Variants in RPS6KA6 observed in about 807,000 individuals in gnomAD.
RPS6KA6 encodes the protein ribosomal protein S6 kinase alpha-6.
In RPS6KA6, 27 loss-of-function variants were observed where a neutral mutation model predicts 65.4. The ratio of observed to expected loss-of-function variants is 0.41; its 90% CI spans 0.30 to 0.57. The LOEUF is 0.57. Ranked by LOEUF, RPS6KA6 falls within the 20% of genes least tolerant of loss-of-function variation. The pLI, the probability that RPS6KA6 is intolerant of heterozygous loss-of-function variation, is 0.24. For synonymous variants in RPS6KA6, 190 were observed against 184.2 expected (o/e 1.03, Z -0.26); for missense variants, 486 against 555.6 (o/e 0.87, Z 1.26).
In RPS6KA6 at chrX:84,107,733, G is replaced by A. The variant is rs2034388341; in HGVS notation, c.1009-8C>T. On this transcript the variant is annotated splice_polypyrimidine_tract_variant and splice_region_variant and intron_variant, in intron 12 of 21. Coordinates refer to ENST00000262752, the MANE Select transcript of RPS6KA6 (RefSeq NM_014496.5). The stretch of plus-strand genomic sequence containing the variant: ...TTCTCTTTTATATAATTTCTAGAAG[G>A]GACAACCAGATAACACAAAACGTAT... 3 of 997,448 alleles carry A rather than the reference G, an allele frequency of 3.0e-6. No homozygotes were observed. Among genetic ancestry groups the A allele is most frequent in the Middle Eastern group, 2.6e-4 (1 of 3,852 alleles). The allele number at this position is 997,448 out of a possible 1,213,427, so 82.2% of individuals were successfully genotyped here. A position where few individuals can be genotyped will look rare whatever the true frequency, so the allele number is the denominator to read the frequency against.
intron 13 of RPS6KA6, 28 bp from the exon 14 acceptor site, chrX:84,107,068 A>T: frequency 8.7e-7 from 1 of 1,152,269 alleles, no homozygotes; most frequent in Non-Finnish European, 1.2e-6. Flanking sequence ...ACATTTAATT[A>T]TAACTACACA....
chrX:84,117,749 C>T (rs974071167), intron 9 of RPS6KA6, among the ~76,000 whole-genome samples: 3 of 111,637 alleles, frequency 2.7e-5, no homozygotes, highest in African/African-American at 6.5e-5. Context: ...TTTGAAAATA[C>T]ACACAATGCA....
chrX:84,125,204 C>A (rs1455211292), intron 8 of RPS6KA6, among the ~76,000 whole-genome samples: 1 of 111,516 alleles, frequency 9.0e-6, no homozygotes, highest in Non-Finnish European at 1.9e-5. Flanking sequence ...AAGAAATCAT[C>A]TGAAAGTACA....
chrX:84,181,546 C>T (rs928734217), intron 1 of RPS6KA6, among the ~76,000 whole-genome samples: 3 of 111,775 alleles, frequency 2.7e-5, no homozygotes, highest in African/African-American at 6.5e-5. Context: ...AATTAATATT[C>T]TTTTTTTCCT....
intron 8 of RPS6KA6, among the ~76,000 whole-genome samples, chrX:84,129,962 T>A (rs979272332): frequency 9.0e-6 from 1 of 110,777 alleles, no homozygotes; most frequent in Non-Finnish European, 1.9e-5. Flanking sequence ...CAAAAATAAT[T>A]TAATTATACA....
chrX:84,126,469 A>G (rs761097827), intron 8 of RPS6KA6, among the ~76,000 whole-genome samples: 1 of 111,588 alleles, frequency 9.0e-6, no homozygotes, highest in East Asian at 2.8e-4. Flanking sequence ...GAAATATCGA[A>G]CTTAATCTGC....
At chrX:84,066,080 T>C (rs1333580410) in intron 20 of RPS6KA6, among the ~76,000 whole-genome samples, 1 of 111,569 alleles carries the variant, frequency 9.0e-6, no homozygotes. Context: ...GCCCAGATAC[T>C]ACACTTTTCC....
At chrX:84,156,445 C>T (rs1006868168) in intron 2 of RPS6KA6, among the ~76,000 whole-genome samples, 2 of 110,859 alleles carry the variant, frequency 1.8e-5, no homozygotes, top group Non-Finnish European at 3.8e-5. Flanking sequence ...CCTTCCCTTC[C>T]AGCTTGGTAG....
intron 4 of RPS6KA6, among the ~76,000 whole-genome samples, chrX:84,147,839 A>G (rs1235955834): frequency 1.8e-5 from 2 of 111,715 alleles, no homozygotes; most frequent in Admixed American, 9.5e-5. Context: ...TCTAGCATCA[A>G]ATTTTTACGG....
chrX:84,186,160 C>T, intron 1 of RPS6KA6: 4 of 494,803 alleles, frequency 8.1e-6, no homozygotes, highest in Non-Finnish European at 1.4e-5. Flanking sequence ...CTCTACAATA[C>T]CTAAAACATA....
intron 3 of RPS6KA6, 115 bp from the exon 4 acceptor site, chrX:84,148,238 C>A (rs2147553849): frequency 2.4e-6 from 1 of 422,423 alleles, no homozygotes; most frequent in Non-Finnish European, 4.0e-6. Context: ...ATTTTATAAA[C>A]ATATGCCTTC....
chrX:84,090,529 T>C (rs954278735), intron 20 of RPS6KA6, among the ~76,000 whole-genome samples: 3 of 112,250 alleles, frequency 2.7e-5, no homozygotes, highest in South Asian at 7.4e-4. Flanking sequence ...AGAGGTTTAA[T>C]TGACTCACAG....
At chrX:84,085,466 T>C (rs1442821136) in intron 20 of RPS6KA6, among the ~76,000 whole-genome samples, 1 of 112,481 alleles carries the variant, frequency 8.9e-6, no homozygotes, top group Non-Finnish European at 1.9e-5. Context: ...GTTCTGTCTA[T>C]GTGATGAATC....
At chrX:84,160,727 G>A (rs185944191) in intron 2 of RPS6KA6, among the ~76,000 whole-genome samples, 42 of 111,131 alleles carry the variant, frequency 3.8e-4, no homozygotes, top group African/African-American at 1.3e-3. Flanking sequence ...CAAAGACCCA[G>A]AAGAGCAGCT....
Position 84,107,670 on chromosome X carries a change from T to C in RPS6KA6, c.1064A>G (p.Asp355Gly). 2.5e-6 allele frequency: 3 copies of C among 1,204,168 alleles called. No homozygotes were observed. The highest frequency in any genetic ancestry group is 2.2e-5 in the Admixed American group (1 of 45,700). Residue 355 changes from aspartate (D) to glycine (G), a missense_variant, in exon 13 of 22, where the codon GAT becomes GGT. Asp to Gly is a moderately conservative substitution (Grantham distance 94, BLOSUM62 -1). Around this residue, in one of 3 missense-constraint regions of RPS6KA6, gnomAD observed 345 missense variants for 375.0 expected, o/e 0.92. Transcript: ENST00000262752. Reference sequence around the variant, plus strand: ...TTCAGGATCAAAACAAAAAGTATCATCTGGTTTTCCAGAAGCAGGTTTGAA... The same window carrying C: ...TTCAGGATCAAAACAAAAAGTATCACCTGGTTTTCCAGAAGCAGGTTTGAA... ...PPFKPASGKP[D>G]DTFCFDPEFT...
At chrX:84,116,819 CA>C (rs2034577259) in intron 11 of RPS6KA6, among the ~76,000 whole-genome samples, 2 of 110,800 alleles carry the variant, frequency 1.8e-5, no homozygotes, top group African/African-American at 6.6e-5. Context: ...TTTATTATTT[CA>C]AAAGAAGTAA....
chrX:84,182,591 T>C (rs780272178), intron 1 of RPS6KA6, among the ~76,000 whole-genome samples: 4 of 111,720 alleles, frequency 3.6e-5, no homozygotes, highest in Admixed American at 2.8e-4. Flanking sequence ...GTAGGCCTTA[T>C]CATGGAACAC....
At chrX:84,119,393 C>T (rs1240080193) in intron 9 of RPS6KA6, among the ~76,000 whole-genome samples, 1 of 111,702 alleles carries the variant, frequency 9.0e-6, no homozygotes, top group Non-Finnish European at 1.9e-5. Context: ...CCAAATTAGT[C>T]AGTCTGTATT....
At chrX:84,174,368 ATTATTG>A (rs1242261996) in intron 1 of RPS6KA6, among the ~76,000 whole-genome samples, 1 of 111,627 alleles carries the variant, frequency 9.0e-6, no homozygotes, top group Admixed American at 9.6e-5. Flanking sequence ...CACCCACCTA[ATTATTG>A]TCACTGCTTC....
Sources: gnomAD v4.1 joint callset for allele counts (sites outside exome capture counted in the v4.1 genomes callset) on GRCh38, gnomAD v4.1.1 for gene constraint, gnomAD v4.1.1 regional missense constraint, MANE v1.5 for transcripts, NCBI Gene and HGNC (gene_info 2026-07-23, HGNC 2026-07-21) for gene names.